The following NTNG2 variants were observed in gnomAD, a reference collection of about 807,000 sequenced individuals.
NTNG2 encodes the protein netrin-G2.
NTNG2 carries 15 observed loss-of-function variants against 47.6 expected under a neutral mutation model. The ratio of observed to expected loss-of-function variants is 0.32; its 90% CI spans 0.21 to 0.49. The LOEUF is 0.49. NTNG2 is among the 20% of genes least tolerant of loss of function. The pLI is 0.99. For synonymous variants in NTNG2, 307 were observed against 324.6 expected (o/e 0.95, Z 0.58); for missense variants, 578 against 764.6 (o/e 0.76, Z 2.88).
intron 2 of NTNG2, among the ~76,000 whole-genome samples, chr9:132,176,015 A>T (rs1836417213): frequency 1.3e-5 from 2 of 152,296 alleles, no homozygotes; most frequent in Non-Finnish European, 2.9e-5. Flanking sequence ...AAACATTTTT[A>T]AAACTCAGGT....
At chr9:132,222,691 C>T (rs1035462032) in intron 3 of NTNG2, among the ~76,000 whole-genome samples, 2 of 152,148 alleles carry the variant, frequency 1.3e-5, no homozygotes, top group African/African-American at 4.8e-5. Flanking sequence ...GCCCCCTCTC[C>T]CACGGCCCAC....
chr9:132,190,005 G>A (rs1282578475), intron 2 of NTNG2, among the ~76,000 whole-genome samples: 24 of 147,906 alleles, frequency 1.6e-4, no homozygotes, highest in South Asian at 2.1e-4. Flanking sequence ...AGGCCGAGGC[G>A]GGCGGCTCAT....
At chr9:132,173,145 G>C (rs112753487) in intron 2 of NTNG2, among the ~76,000 whole-genome samples, 2 of 152,264 alleles carry the variant, frequency 1.3e-5, no homozygotes, top group South Asian at 2.1e-4. Context: ...GGATGAAGCC[G>C]GGAGGTTTGC....
intron 2 of NTNG2, among the ~76,000 whole-genome samples, chr9:132,186,098 A>T (rs1040649018): frequency 2.6e-5 from 4 of 152,222 alleles, no homozygotes; most frequent in Admixed American, 2.6e-4. Context: ...AATGCAAAGC[A>T]CCGGCCAAAT....
intron 2 of NTNG2, among the ~76,000 whole-genome samples, chr9:132,181,006 T>G (rs141458414): frequency 0.011 from 1,644 of 152,366 alleles, 14 homozygotes; most frequent in Non-Finnish European, 0.017. Flanking sequence ...CCTGAGCAGG[T>G]TCTGCCTTCT....
chr9:132,209,242 A>G (rs896985194), intron 3 of NTNG2, among the ~76,000 whole-genome samples: 3 of 152,202 alleles, frequency 2.0e-5, no homozygotes, highest in African/African-American at 7.2e-5. Flanking sequence ...GTTTAACTCT[A>G]TGAGAAACTG....
At chr9:132,174,310 A>AGACT (rs1564384937) in intron 2 of NTNG2, among the ~76,000 whole-genome samples, 1 of 102,930 alleles carries the variant, frequency 9.7e-6, no homozygotes, top group Non-Finnish European at 1.9e-5. Flanking sequence ...GCTGCGGATG[A>AGACT]GACGGACGGA....
chr9:132,206,299 A>G (rs1839161358), intron 3 of NTNG2, among the ~76,000 whole-genome samples: 1 of 152,182 alleles, frequency 6.6e-6, no homozygotes, highest in East Asian at 1.9e-4. Flanking sequence ...TCCATTCTCA[A>G]AGGGGGTCCA....
At chr9:132,195,562 C>T (rs1290893713) in intron 2 of NTNG2, among the ~76,000 whole-genome samples, 2 of 144,536 alleles carry the variant, frequency 1.4e-5, no homozygotes, top group Non-Finnish European at 3.0e-5. Flanking sequence ...CTCCTGACCT[C>T]GTGATCCACC....
intron 2 of NTNG2, among the ~76,000 whole-genome samples, chr9:132,184,749 C>A (rs773075260): frequency 6.6e-6 from 1 of 152,186 alleles, no homozygotes; most frequent in Non-Finnish European, 1.5e-5. Context: ...CATGGGGAAA[C>A]CCAGTCTCTA....
intron 3 of NTNG2, among the ~76,000 whole-genome samples, chr9:132,224,045 G>A (rs1220815655): frequency 6.6e-6 from 1 of 151,724 alleles, no homozygotes; most frequent in African/African-American, 2.4e-5. Context: ...TCAGGTCTTA[G>A]TTTAAAACTG....
chr9:132,241,848 C>G, intron 7 of NTNG2, 28 bp from the exon 8 acceptor site: 1 of 1,505,856 alleles, frequency 6.6e-7, no homozygotes, highest in Non-Finnish European at 8.9e-7. Context: ...GGGCCACCCC[C>G]CGTGCTGACC....
At chr9:132,206,933 T>C (rs1589464372) in intron 3 of NTNG2, among the ~76,000 whole-genome samples, 1 of 152,352 alleles carries the variant, frequency 6.6e-6, no homozygotes, top group Non-Finnish European at 1.5e-5. Context: ...GGTTGACCCC[T>C]GGACCTGCGG....
intron 2 of NTNG2, among the ~76,000 whole-genome samples, chr9:132,179,200 C>G (rs1037988327): frequency 3.9e-5 from 6 of 152,218 alleles, no homozygotes; most frequent in African/African-American, 1.4e-4. Context: ...GATCTGACTT[C>G]ACGTGATGGC....
chr9:132,167,001 C>T lies in NTNG2; in HGVS notation c.170C>T (p.Ser57Leu), dbSNP rs1835541427. ...TACGTCAAGGTGAAGGTGGAGCCCT[C>T]AGGCATCACATGTGGAGACCCCCCT... is the stretch of plus-strand genomic sequence containing the variant. Reference protein sequence around the residue: ...KDYVKVKVEPSGITCGDPPER... With the variant: ...KDYVKVKVEPLGITCGDPPER... Residue 57 changes from serine (S) to leucine (L), a missense_variant, in exon 2 of 8, where the codon TCA becomes TTA. Physicochemically the swap from Ser to Leu is moderately radical, Grantham distance 145. Coordinates refer to ENST00000393229, the MANE Select transcript of NTNG2 (RefSeq NM_032536.4). The T allele has an allele frequency of 6.2e-7, 1 of 1,614,270 alleles. No individual in the cohort carries two copies. Among genetic ancestry groups the T allele is most frequent in the African/African-American group, 1.3e-5 (1 of 75,066 alleles).
chr9:132,190,095 T>C (rs1170546849), intron 2 of NTNG2, among the ~76,000 whole-genome samples: 3 of 149,660 alleles, frequency 2.0e-5, no homozygotes, highest in Non-Finnish European at 4.5e-5. Flanking sequence ...TAGCTGGGCG[T>C]GGTGGCGGGC....
At position 132,182,049 on chromosome 9, in the gene NTNG2, C is replaced by G. The variant is rs1265721426; in HGVS notation, c.213+15005C>G. ...TCCTCCCCCAGCACACCCCGGCAGC[C>G]CAGAGAAGGGAGGGCCCGGAGGAGT... On this transcript the variant is annotated intron_variant, in intron 2 of 7. Coordinates refer to ENST00000393229, the MANE Select transcript of NTNG2 (RefSeq NM_032536.4). The surrounding 1 kb of genome is among the most constrained non-coding windows in gnomAD (Gnocchi z 4.2). Among the ~76,000 whole-genome samples the G allele has an allele frequency of 6.6e-6, 1 of 152,322 alleles. No individual in the cohort carries two copies. The highest frequency in any genetic ancestry group is 1.9e-4 in the East Asian group (1 of 5,182).
chr9:132,211,644 T>C (rs551706644), intron 3 of NTNG2, among the ~76,000 whole-genome samples: 6 of 152,170 alleles, frequency 3.9e-5, no homozygotes, highest in Non-Finnish European at 7.4e-5. Flanking sequence ...TCTGGCAAAC[T>C]CCTCACCCCT....
rs750018686 is a variant in NTNG2, at chr9:132,238,681, C to T, written c.1055-423C>T. Among the ~76,000 whole-genome samples, 239 of 152,356 alleles carry T rather than the reference C, an allele frequency of 1.6e-3. 2 individuals carry two copies. Among genetic ancestry groups the T allele is most frequent in the Admixed American group, 1.4e-3 (22 of 15,312 alleles). ...CTACCCGAGGATACCACGGCGAGCG[C>T]CGTGAACCCAGGCGTCGCCCTCCCC... On this transcript the variant is annotated intron_variant, in intron 5 of 7. Coordinates refer to ENST00000393229, the MANE Select transcript of NTNG2 (RefSeq NM_032536.4).
Sources: allele counts gnomAD v4.1 joint callset (sites outside exome capture counted in the v4.1 genomes callset), GRCh38; gene constraint gnomAD v4.1.1; non-coding constraint Gnocchi (gnomAD v3.1); transcripts MANE v1.5; gene names NCBI Gene and HGNC (gene_info 2026-07-23, HGNC 2026-07-21).